RBFOX1: variants seen among roughly 807,000 people sequenced by gnomAD.
RBFOX1 encodes RNA binding protein fox-1 homolog 1.
In RBFOX1, 8 loss-of-function variants were observed where a neutral mutation model predicts 57.7. The ratio of observed to expected loss-of-function variants is 0.14; its 90% CI spans 0.08 to 0.25. RBFOX1 has a LOEUF of 0.25. Among genes scored for constraint, RBFOX1 ranks in the 10% least tolerant of loss-of-function variants. RBFOX1 has a pLI of 1.00. For synonymous variants in RBFOX1, 326 were observed against 222.4 expected, an observed-to-expected ratio of 1.47 and a Z score of -4.15; for missense variants, 611 against 548.5, an observed-to-expected ratio of 1.11 and a Z score of -1.14.
At chr16:5,491,321 C>T (rs751853020) in intron 2 of RBFOX1, among the ~76,000 whole-genome samples, 1 of 152,148 alleles carries the variant, frequency 6.6e-6, no homozygotes, top group African/African-American at 2.4e-5. Context: ...CCCTCCCAAG[C>T]GCCACCTGAC....
chr16:6,814,014 C>A (rs1280560098), intron 3 of RBFOX1, among the ~76,000 whole-genome samples: 1 of 144,310 alleles, frequency 6.9e-6, no homozygotes, highest in Non-Finnish European at 1.5e-5. Context: ...GTTCAGTGAT[C>A]TGCACAAAGG....
chr16:6,276,398 G>C (rs2075805833), intron 1 of RBFOX1, among the ~76,000 whole-genome samples: 1 of 152,080 alleles, frequency 6.6e-6, no homozygotes, highest in African/African-American at 2.4e-5. Flanking sequence ...GCAGTGGCAC[G>C]ATCTTGGCTC....
At chr16:7,088,989 T>C (rs1157239189) in intron 4 of RBFOX1, among the ~76,000 whole-genome samples, 1 of 152,196 alleles carries the variant, frequency 6.6e-6, no homozygotes, top group Non-Finnish European at 1.5e-5. Flanking sequence ...GAAGGCCTTT[T>C]TGTTGAATTC....
At chr16:6,450,811 A>ATATATATATG (rs1567303343) in intron 2 of RBFOX1, among the ~76,000 whole-genome samples, 1 of 24,102 alleles carries the variant, frequency 4.1e-5, no homozygotes, top group African/African-American at 2.4e-4. Context: ...GTATATATAT[A>ATATATATATG]TATATACATA....
chr16:7,527,891 A>G (rs1255789001), intron 5 of RBFOX1, among the ~76,000 whole-genome samples: 2 of 152,172 alleles, frequency 1.3e-5, no homozygotes, highest in African/African-American at 4.8e-5. Flanking sequence ...CATCATAAGA[A>G]TTGTGAAATT....
intron 3 of RBFOX1, among the ~76,000 whole-genome samples, chr16:5,784,888 T>A (rs1044237371): frequency 6.6e-5 from 10 of 152,144 alleles, no homozygotes; most frequent in African/African-American, 2.4e-4. Flanking sequence ...TGATCTTGGA[T>A]TTCCAGCCTC....
At chr16:5,648,741 ACCT>A (rs893871865) in intron 3 of RBFOX1, among the ~76,000 whole-genome samples, 2 of 151,982 alleles carry the variant, frequency 1.3e-5, no homozygotes, top group Non-Finnish European at 2.9e-5. Context: ...CCTTGTGTCT[ACCT>A]CCTCTTTTTA....
chr16:5,899,473 A>T (rs892974038), intron 4 of RBFOX1, among the ~76,000 whole-genome samples: 3 of 152,166 alleles, frequency 2.0e-5, no homozygotes, highest in African/African-American at 7.2e-5. Flanking sequence ...CCAAAGTAGC[A>T]TTTGAAATCA....
At chr16:6,826,336 G>T (rs1352237648) in intron 3 of RBFOX1, among the ~76,000 whole-genome samples, 1 of 152,114 alleles carries the variant, frequency 6.6e-6, no homozygotes, top group Non-Finnish European at 1.5e-5. Flanking sequence ...AACATGGGGA[G>T]ACCCCCTTCT....
chr16:6,125,034 C>G (rs895189258), intron 1 of RBFOX1, among the ~76,000 whole-genome samples: 8 of 152,122 alleles, frequency 5.3e-5, no homozygotes, highest in Non-Finnish European at 7.3e-5. Context: ...CAAGGGGCTG[C>G]TGAATGACAT....
At chr16:6,230,883 T>C (rs978969761) in intron 1 of RBFOX1, among the ~76,000 whole-genome samples, 3 of 152,186 alleles carry the variant, frequency 2.0e-5, no homozygotes, top group Non-Finnish European at 4.4e-5. Flanking sequence ...TCACTGACTG[T>C]ATCGTGTGCC....
At chr16:5,875,826 G>A (rs1428372081) in intron 4 of RBFOX1, among the ~76,000 whole-genome samples, 2 of 151,510 alleles carry the variant, frequency 1.3e-5, no homozygotes, top group African/African-American at 4.8e-5. Flanking sequence ...AGGTTTGGGG[G>A]ATGAATTAGA....
At chr16:7,085,016 AGT>A (rs1427070163) in intron 4 of RBFOX1, among the ~76,000 whole-genome samples, 1 of 152,148 alleles carries the variant, frequency 6.6e-6, no homozygotes, top group East Asian at 1.9e-4. Context: ...CTAATATGTC[AGT>A]GTCTTACTCA....
At position 5,947,573 on chromosome 16, in the gene RBFOX1, T is replaced by C. The variant is rs901332397; in HGVS notation, c.351+80238T>C. On this transcript the variant is annotated intron_variant, in intron 4 of 19. Transcript: ENST00000641259. The surrounding 1 kb of genome is among the most constrained non-coding windows in gnomAD (Gnocchi z 7.2). ...CCTAGCCCCAAGCAATTCTCACATA[T>C]CAGCCTCCCAAAGTGCTGGGATTAC... 9.2e-5 allele frequency among the ~76,000 whole-genome samples: 14 copies of C among 152,184 alleles called. No homozygotes were observed. The highest frequency in any genetic ancestry group is 3.9e-4 in the East Asian group (2 of 5,190).
chr16:7,270,371 T>C (rs1300815698), intron 4 of RBFOX1, among the ~76,000 whole-genome samples: 1 of 152,134 alleles, frequency 6.6e-6, no homozygotes, highest in African/African-American at 2.4e-5. Context: ...CCTTTGTGGA[T>C]GGAAATGTAA....
intron 4 of RBFOX1, among the ~76,000 whole-genome samples, chr16:7,452,084 G>C (rs972546153): frequency 6.6e-6 from 1 of 152,186 alleles, no homozygotes; most frequent in African/African-American, 2.4e-5. Context: ...TAAGGAATGA[G>C]AAGCAATGTA....
rs538322188 is a variant in RBFOX1, at chr16:7,335,254, T to A, written c.28-182893T>A. Among the ~76,000 whole-genome samples the A allele has an allele frequency of 2.6e-5, 4 of 152,318 alleles. No individual in the cohort carries two copies. The South Asian group carries it at 8.3e-4, about 32-fold the overall frequency. ...CTTGCTCACTAGTTTCTTGACCTTATGGGTTTCTTCCTCACTCAGGAGGCA... is the reference window on the plus strand; with the variant it reads ...CTTGCTCACTAGTTTCTTGACCTTAAGGGTTTCTTCCTCACTCAGGAGGCA... On this transcript the variant is annotated intron_variant, in intron 4 of 15. Coordinates refer to ENST00000550418, the MANE Select transcript of RBFOX1 (RefSeq NM_018723.4).
chr16:5,994,174 G>T (rs566949652), intron 4 of RBFOX1, among the ~76,000 whole-genome samples: 1 of 152,068 alleles, frequency 6.6e-6, no homozygotes, highest in East Asian at 1.9e-4. Context: ...TTTTGTTTAT[G>T]TTTTTGAGAC....
At chr16:6,456,226 A>G (rs1244659122) in intron 2 of RBFOX1, among the ~76,000 whole-genome samples, 1 of 152,146 alleles carries the variant, frequency 6.6e-6, no homozygotes, top group African/African-American at 2.4e-5. Flanking sequence ...TTTCTGTAAA[A>G]GAGAATTGTG....
Sources: gnomAD v4.1 joint callset for allele counts (sites outside exome capture counted in the v4.1 genomes callset) on GRCh38, gnomAD v4.1.1 for gene constraint, Gnocchi (gnomAD v3.1) non-coding constraint, MANE v1.5 for transcripts, NCBI Gene and HGNC (gene_info 2026-07-23, HGNC 2026-07-21) for gene names.